FNIP2: variants seen among roughly 807,000 people sequenced by gnomAD.
FNIP2 encodes the protein folliculin interacting protein 2.
FNIP2 carries 32 observed loss-of-function variants against 108.7 expected under a neutral mutation model. The observed-to-expected ratio is 0.29, with a 90% CI of 0.22 to 0.40. The LOEUF (loss-of-function observed/expected upper bound fraction) is 0.40. FNIP2 is among the 10% of genes least tolerant of loss of function. The pLI, the probability that FNIP2 is intolerant of heterozygous loss-of-function variation, is 1.00. For missense variants in FNIP2, 1,202 were observed against 1,381.6 expected (o/e 0.87, Z 2.06); for synonymous variants, 480 against 496.7 (o/e 0.97, Z 0.45).
In FNIP2 at chr4:158,905,765, G is replaced by A. The variant is rs1729784312; in HGVS notation, c.*1221G>A. Reference sequence around the variant, plus strand: ...ACTTCAGTTTACTGACCGTGAAACAGACTATGTACTGACATCCAGGGTAAA... The same window carrying A: ...ACTTCAGTTTACTGACCGTGAAACAAACTATGTACTGACATCCAGGGTAAA... On this transcript the variant is annotated 3_prime_UTR_variant, in exon 17 of 17. Coordinates refer to ENST00000264433, the MANE Select transcript of FNIP2 (RefSeq NM_020840.3). The A allele has an allele frequency of 6.7e-6, 1 of 150,184 alleles. No homozygotes were observed. The highest frequency in any genetic ancestry group is 2.4e-5 in the African/African-American group (1 of 40,850). The allele number at this position is 150,184 out of a possible 1,614,324, so 9.3% of individuals were successfully genotyped here.
At chr4:158,770,455 G>A (rs1157896844) in intron 1 of FNIP2, among the ~76,000 whole-genome samples, 1 of 152,082 alleles carries the variant, frequency 6.6e-6, no homozygotes, top group Non-Finnish European at 1.5e-5. Flanking sequence ...GTGAAACTTT[G>A]AAATAAATTC....
At chr4:158,789,826 G>GCCTATTAAGT (rs61223112) in intron 1 of FNIP2, among the ~76,000 whole-genome samples, 136,848 of 151,830 alleles carry the variant, frequency 0.9, 62,174 homozygotes, top group Non-Finnish European at 0.96. Context: ...GGTTGTGGTA[G>GCCTATTAAGT]CCTGGCAGTG....
rs751854993 is a variant in FNIP2 at position 158,869,348 on chromosome 4, C to T, written c.2712C>T (p.Ala904=). Residue 904 remains alanine, a synonymous_variant, in exon 13 of 17, where the codon GCC becomes GCT. Coordinates refer to ENST00000264433, the MANE Select transcript of FNIP2 (RefSeq NM_020840.3). ...DSALGDSDDE[A]CASAMLDLGH... ...CCCTGGGAGACAGTGACGACGAAGC[C>T]TGCGCTTCAGCCATGCTAGATCTGG... 1 of 1,613,124 alleles carries T rather than the reference C, an allele frequency of 6.2e-7. No homozygotes were observed. Among genetic ancestry groups the T allele is most frequent in the Non-Finnish European group, 8.5e-7 (1 of 1,179,572 alleles).
intron 1 of FNIP2, among the ~76,000 whole-genome samples, chr4:158,789,043 G>T (rs773839712): frequency 4.6e-5 from 7 of 152,238 alleles, no homozygotes; most frequent in Non-Finnish European, 1.0e-4. Flanking sequence ...GGTCCTGGCA[G>T]TGGTGGATGT....
chr4:158,833,692 C>A (rs1578884979), intron 6 of FNIP2, 64 bp downstream of exon 6: 1 of 1,497,534 alleles, frequency 6.7e-7, no homozygotes, highest in Non-Finnish European at 9.2e-7. Flanking sequence ...GTGTGTTTTG[C>A]TTTATTTGAG....
chr4:158,781,366 G>A (rs1419802162), intron 1 of FNIP2, among the ~76,000 whole-genome samples: 1 of 152,174 alleles, frequency 6.6e-6, no homozygotes, highest in South Asian at 2.1e-4. Context: ...TGTGAGGCAA[G>A]ATACATTTGG....
At chr4:158,848,003 C>T (rs1301023277) in intron 7 of FNIP2, among the ~76,000 whole-genome samples, 4 of 152,164 alleles carry the variant, frequency 2.6e-5, no homozygotes, top group African/African-American at 7.2e-5. Flanking sequence ...CAGGTAGATT[C>T]GTAAGGTTTC....
rs997086836 is a variant in FNIP2 at position 158,806,298 on chromosome 4, C to G, written c.108-19618C>G. 13 of 1,289,258 alleles carry G rather than the reference C, an allele frequency of 1.0e-5. No individual in the cohort carries two copies. The Admixed American group carries it at 1.6e-4, about 16-fold the overall frequency. The allele number at this position is 1,289,258 out of a possible 1,614,324, so 79.9% of individuals were successfully genotyped here. On this transcript the variant is annotated intron_variant, in intron 1 of 16. Transcript: ENST00000264433. ...CAAACCAGCCAGAGAGCTGGCAAGA[C>G]TCTGCCAGATGTGTGAGTGATGCTG...
rs1015255651 is a variant in FNIP2, at chr4:158,907,922, T to C, written c.*3378T>C. The C allele has an allele frequency of 1.3e-5, 2 of 152,236 alleles. No individual in the cohort carries two copies. The highest frequency in any genetic ancestry group is 3.8e-4 in the East Asian group (2 of 5,200). 9.4% of individuals were successfully genotyped at this position (152,236 alleles called of 1,614,324 possible). ...GCTCCATAAGAGAAATTGATAGGACTTCGTTTTTGATCAGTCTGAATAGAT... is the reference window on the plus strand; with the variant it reads ...GCTCCATAAGAGAAATTGATAGGACCTCGTTTTTGATCAGTCTGAATAGAT... On this transcript the variant is annotated 3_prime_UTR_variant, in exon 17 of 17. Coordinates refer to ENST00000264433, the MANE Select transcript of FNIP2 (RefSeq NM_020840.3).
intron 14 of FNIP2, among the ~76,000 whole-genome samples, chr4:158,885,681 G>T (rs925468793): frequency 6.6e-6 from 1 of 152,142 alleles, no homozygotes; most frequent in Non-Finnish European, 1.5e-5. Context: ...CAGAAAACTT[G>T]TGCTTTAAAT....
Position 158,895,873 on chromosome 4 carries a change from C to T in FNIP2, c.3266+8C>T, listed in dbSNP as rs2126783452. On this transcript the variant is annotated splice_region_variant and intron_variant, in intron 16 of 16. Transcript: ENST00000264433. ...ATTAGGTGTCGTACTGGGGTGAGTTCTGTGAAGTGCCGTCACTTGTCCCTT... is the reference window on the plus strand; with the variant it reads ...ATTAGGTGTCGTACTGGGGTGAGTTTTGTGAAGTGCCGTCACTTGTCCCTT... 1 of 1,584,798 alleles carries T rather than the reference C, an allele frequency of 6.3e-7. No individual in the cohort carries two copies. Among genetic ancestry groups the T allele is most frequent in the Non-Finnish European group, 8.7e-7 (1 of 1,155,130 alleles).
chr4:158,879,518 A>G (rs1781469000), intron 14 of FNIP2, among the ~76,000 whole-genome samples: 1 of 150,412 alleles, frequency 6.6e-6, no homozygotes, highest in African/African-American at 2.5e-5. Flanking sequence ...AGCATATCTC[A>G]GAGCTGGCTT....
chr4:158,897,759 TGGCAAAAATTTTCTC>T (rs1411630709), intron 16 of FNIP2, among the ~76,000 whole-genome samples: 1 of 152,234 alleles, frequency 6.6e-6, no homozygotes, highest in East Asian at 1.9e-4. Context: ...GATGGGAAGA[TGGCAAAAATTTTCTC>T]CCATTCTGTA....
intron 3 of FNIP2, 151 bp from the exon 4 acceptor site, chr4:158,831,710 A>G (rs1280490666): frequency 1.3e-5 from 8 of 622,646 alleles, no homozygotes; most frequent in South Asian, 8.0e-5. Flanking sequence ...GGCAATCGCC[A>G]TTATAAGTTA....
At chr4:158,867,592 T>C (rs922601370) in intron 12 of FNIP2, among the ~76,000 whole-genome samples, 1 of 152,230 alleles carries the variant, frequency 6.6e-6, no homozygotes, top group Non-Finnish European at 1.5e-5. Flanking sequence ...GGTGTGTGTA[T>C]GCGTATTAAG....
At chr4:158,866,344 G>A (rs1268340574) in intron 12 of FNIP2, among the ~76,000 whole-genome samples, 6 of 133,610 alleles carry the variant, frequency 4.5e-5, no homozygotes, top group South Asian at 5.1e-4. Flanking sequence ...TCAGCCTCCC[G>A]AGTAGCTAGG....
chr4:158,876,289 A>G (rs1035777361), intron 14 of FNIP2, among the ~76,000 whole-genome samples: 11 of 152,184 alleles, frequency 7.2e-5, no homozygotes, highest in African/African-American at 1.9e-4. Flanking sequence ...AGGACTTTCT[A>G]AAGCATGAGA....
chr4:158,839,974 T>C (rs771528546), intron 7 of FNIP2, among the ~76,000 whole-genome samples: 7 of 152,234 alleles, frequency 4.6e-5, no homozygotes, highest in Non-Finnish European at 1.0e-4. Context: ...ATGTCTTCTT[T>C]ACATATACAG....
intron 1 of FNIP2, among the ~76,000 whole-genome samples, chr4:158,774,021 CA>C (rs1240177598): frequency 2.6e-5 from 4 of 152,026 alleles, no homozygotes; most frequent in Non-Finnish European, 5.9e-5. Context: ...ACACACAAAA[CA>C]AAAGAAAAAT....
Sources: allele counts gnomAD v4.1 joint callset (sites outside exome capture counted in the v4.1 genomes callset), GRCh38; gene constraint gnomAD v4.1.1; transcripts MANE v1.5; gene names NCBI Gene and HGNC (gene_info 2026-07-23, HGNC 2026-07-21).